GRM8: variants seen among roughly 807,000 people sequenced by gnomAD.
GRM8 encodes the protein glutamate metabotropic receptor 8.
A neutral mutation model predicts 87.2 loss-of-function variants in GRM8; 47 were observed. The ratio of observed to expected loss-of-function variants is 0.54; its 90% CI spans 0.43 to 0.69. The LOEUF is 0.69. GRM8 is among the 30% of genes least tolerant of loss of function. GRM8 has a pLI of 0.00. For missense variants in GRM8, 1,019 were observed against 1,139.2 expected (o/e 0.89, Z 1.52); for synonymous variants, 396 against 404.5 (o/e 0.98, Z 0.25).
intron 6 of GRM8, chr7:126,870,512 A>G (rs929847062): frequency 2.6e-5 from 4 of 152,106 alleles, no homozygotes; most frequent in Non-Finnish European, 5.9e-5. Flanking sequence ...TCTTCCTTTC[A>G]CTTGAACATT....
intron 3 of GRM8, among the ~76,000 whole-genome samples, chr7:127,054,458 A>G (rs941545041): frequency 2.0e-5 from 3 of 152,176 alleles, no homozygotes; most frequent in African/African-American, 7.2e-5. Context: ...ACTTTCTTTG[A>G]GGGGGTTATT....
At chr7:126,936,580 G>C (rs778977524) in intron 3 of GRM8, among the ~76,000 whole-genome samples, 3 of 152,170 alleles carry the variant, frequency 2.0e-5, no homozygotes, top group Non-Finnish European at 2.9e-5. Context: ...AGTGGTTAAA[G>C]GACTAAGTCT....
At chr7:126,634,101 G>A (rs1801618316) in intron 7 of GRM8, among the ~76,000 whole-genome samples, 1 of 151,944 alleles carries the variant, frequency 6.6e-6, no homozygotes, top group African/African-American at 2.4e-5. Context: ...AGGAGAAGGA[G>A]GTTATTATTC....
intron 2 of GRM8, among the ~76,000 whole-genome samples, chr7:127,240,860 G>C (rs1296204721): frequency 6.6e-6 from 1 of 151,916 alleles, no homozygotes; most frequent in East Asian, 1.9e-4. Flanking sequence ...GGAGAATTCT[G>C]GTTCCACATC....
At chr7:126,626,145 C>G (rs1377907456) in intron 7 of GRM8, among the ~76,000 whole-genome samples, 1 of 134,514 alleles carries the variant, frequency 7.4e-6, no homozygotes, top group Non-Finnish European at 1.6e-5. Context: ...TATGGTCCAA[C>G]CTTTTCAAAT....
At position 126,685,163 on chromosome 7, in the gene GRM8, C is replaced by A. The variant is rs754549507; in HGVS notation, c.1358-75665G>T. Among the ~76,000 whole-genome samples the A allele has an allele frequency of 6.6e-6, 1 of 152,216 alleles. No homozygotes were observed. Among genetic ancestry groups the A allele is most frequent in the South Asian group, 2.1e-4 (1 of 4,836 alleles). On this transcript the variant is annotated intron_variant, in intron 7 of 10. Transcript: ENST00000339582. The surrounding 1 kb of genome is among the most constrained non-coding windows in gnomAD (Gnocchi z 4.2). ...TTGACAGCCACTGCTATGGGGAGTT[C>A]ATGGGGAAGAGGCGAATAGTCCCTA...
At chr7:127,044,577 A>G (rs929199240) in intron 3 of GRM8, among the ~76,000 whole-genome samples, 1 of 152,154 alleles carries the variant, frequency 6.6e-6, no homozygotes, top group African/African-American at 2.4e-5. Flanking sequence ...AAAAAAATCA[A>G]TCACCAAGGA....
At chr7:126,639,985 A>G (rs987428994) in intron 7 of GRM8, among the ~76,000 whole-genome samples, 1 of 152,106 alleles carries the variant, frequency 6.6e-6, no homozygotes, top group Non-Finnish European at 1.5e-5. Flanking sequence ...AAATAAAAGC[A>G]CTCCATGTGG....
At chr7:127,100,002 G>T (rs924266905) in intron 3 of GRM8, among the ~76,000 whole-genome samples, 7 of 152,118 alleles carry the variant, frequency 4.6e-5, no homozygotes, top group African/African-American at 1.7e-4. Context: ...TAGAGGCAGA[G>T]ACTGGAGTGA....
chr7:126,555,632 C>A lies in GRM8; in HGVS notation c.1495-21745G>T, dbSNP rs73224956. ...ATTTTTAAAGCAAAACAATTTATTA[C>A]GAGGGTTTCTGCTATTTGACACTTC... On this transcript the variant is annotated intron_variant, in intron 8 of 10. Coordinates refer to ENST00000339582, the MANE Select transcript of GRM8 (RefSeq NM_000845.3). 1.1e-4 allele frequency among the ~76,000 whole-genome samples: 17 copies of A among 152,176 alleles called. No individual in the cohort carries two copies. The East Asian group carries it at 1.7e-3, about 16-fold the overall frequency.
At chr7:126,560,195 G>T (rs2150956132) in intron 8 of GRM8, among the ~76,000 whole-genome samples, 1 of 152,218 alleles carries the variant, frequency 6.6e-6, no homozygotes, top group South Asian at 2.1e-4. Flanking sequence ...ATAATTTTTA[G>T]TCTATATCAG....
At chr7:127,159,603 T>G (rs2299544) in intron 2 of GRM8, among the ~76,000 whole-genome samples, 38,477 of 152,036 alleles carry the variant, frequency 0.25, 5,872 homozygotes, top group African/African-American at 0.43. Flanking sequence ...AAAGTTGAAC[T>G]TTAAAAAAAT....
At chr7:127,127,834 C>T (rs907196587) in intron 2 of GRM8, among the ~76,000 whole-genome samples, 1 of 152,076 alleles carries the variant, frequency 6.6e-6, no homozygotes, top group African/African-American at 2.4e-5. Context: ...TCTCCTTCCA[C>T]CCCAGCACAC....
chr7:126,629,720 G>A (rs1225329616), intron 7 of GRM8, among the ~76,000 whole-genome samples: 2 of 152,090 alleles, frequency 1.3e-5, no homozygotes, highest in East Asian at 3.8e-4. Flanking sequence ...GTAATTACAT[G>A]AACTGTCAAT....
At chr7:126,697,327 A>G (rs1362569152) in intron 7 of GRM8, among the ~76,000 whole-genome samples, 4 of 152,170 alleles carry the variant, frequency 2.6e-5, no homozygotes, top group Non-Finnish European at 5.9e-5. Flanking sequence ...AATGTACAGC[A>G]TGAGGACTAC....
At chr7:127,116,717 C>T (rs186420614) in intron 2 of GRM8, among the ~76,000 whole-genome samples, 4 of 152,344 alleles carry the variant, frequency 2.6e-5, no homozygotes, top group Non-Finnish European at 5.9e-5. Flanking sequence ...CACTTGAGAT[C>T]TCCTTCAGAT....
intron 8 of GRM8, among the ~76,000 whole-genome samples, chr7:126,608,294 C>T (rs1798567182): frequency 6.6e-6 from 1 of 152,148 alleles, no homozygotes; most frequent in Admixed American, 6.5e-5. Context: ...CCTAAGAGAG[C>T]TCCTCTGAGG....
chr7:127,182,633 GT>G (rs1395786667), intron 2 of GRM8, among the ~76,000 whole-genome samples: 131 of 2,368 alleles, frequency 0.055, 1 homozygote, highest in South Asian at 0.3. Flanking sequence ...AGAAAGTGTG[GT>G]GTGTGTGTGT....
intron 3 of GRM8, among the ~76,000 whole-genome samples, chr7:127,054,800 T>C (rs1819824550): frequency 6.6e-6 from 1 of 151,954 alleles, no homozygotes; most frequent in Admixed American, 6.6e-5. Context: ...TAAACCAAAA[T>C]AGATATGGTA....
Sources: allele counts gnomAD v4.1 joint callset (sites outside exome capture counted in the v4.1 genomes callset), GRCh38; gene constraint gnomAD v4.1.1; non-coding constraint Gnocchi (gnomAD v3.1); transcripts MANE v1.5; gene names NCBI Gene and HGNC (gene_info 2026-07-23, HGNC 2026-07-21).